Variants in ATP8A2 observed in about 807,000 individuals in gnomAD.
ATP8A2 encodes the protein ATPase phospholipid transporting 8A2.
In ATP8A2, 100 loss-of-function variants were observed where a neutral mutation model predicts 165.6. The observed-to-expected ratio is 0.60, with a 90% CI of 0.51 to 0.71. The LOEUF (loss-of-function observed/expected upper bound fraction) is 0.71. Ranked by LOEUF, ATP8A2 falls within the 30% of genes least tolerant of loss-of-function variation. The probability of loss-of-function intolerance (pLI) is 0.00; values close to 1 mark genes in which losing one functional copy is unlikely to be tolerated. For synonymous variants in ATP8A2, 543 were observed against 548.8 expected, an observed-to-expected ratio of 0.99 and a Z score of 0.15; for missense variants, 1,227 against 1,479.5, an observed-to-expected ratio of 0.83 and a Z score of 2.80.
intron 27 of ATP8A2, among the ~76,000 whole-genome samples, chr13:25,807,610 A>G (rs891974802): frequency 6.6e-6 from 1 of 152,236 alleles, no homozygotes; most frequent in Non-Finnish European, 1.5e-5. Flanking sequence ...TGAGTAATTC[A>G]TGGATCCATT....
chr13:25,519,510 A>G (rs906002594), intron 2 of ATP8A2, among the ~76,000 whole-genome samples: 2 of 151,994 alleles, frequency 1.3e-5, no homozygotes, highest in Non-Finnish European at 1.5e-5. Flanking sequence ...GGAAATATCT[A>G]TTGCACATGA....
At chr13:25,726,852 T>C (rs931033664) in intron 25 of ATP8A2, among the ~76,000 whole-genome samples, 11 of 152,178 alleles carry the variant, frequency 7.2e-5, no homozygotes, top group Non-Finnish European at 1.2e-4. Flanking sequence ...GAGTGCTAGA[T>C]TTTTGAGGGT....
At chr13:25,877,000 A>G (rs979861767) in intron 33 of ATP8A2, among the ~76,000 whole-genome samples, 1 of 152,124 alleles carries the variant, frequency 6.6e-6, no homozygotes, top group Non-Finnish European at 1.5e-5. Context: ...AATAATTAAC[A>G]AACTTGTCTA....
chr13:25,391,867 G>A (rs1432852420), intron 1 of ATP8A2, among the ~76,000 whole-genome samples: 5 of 152,160 alleles, frequency 3.3e-5, no homozygotes, highest in Non-Finnish European at 1.5e-5. Flanking sequence ...CAACAGTTAC[G>A]TTTTCCTCAT....
chr13:25,598,614 T>G (rs2040299712), intron 24 of ATP8A2, among the ~76,000 whole-genome samples: 1 of 152,176 alleles, frequency 6.6e-6, no homozygotes, highest in African/African-American at 2.4e-5. Flanking sequence ...ATTCTTCCAT[T>G]TCTCTTCATT....
At chr13:25,672,557 T>G (rs1240458847) in intron 24 of ATP8A2, among the ~76,000 whole-genome samples, 1 of 152,182 alleles carries the variant, frequency 6.6e-6, no homozygotes, top group Non-Finnish European at 1.5e-5. Context: ...CTTTGTTCTT[T>G]TTTTAAAAAA....
chr13:25,817,685 C>CT (rs201615789), intron 27 of ATP8A2, among the ~76,000 whole-genome samples: 3,847 of 150,244 alleles, frequency 0.026, 206 homozygotes, highest in Admixed American at 0.13. Flanking sequence ...TTTTCTTTTT[C>CT]TTTTTTTTTG....
At chr13:25,900,006 C>G (rs1953686497) in intron 33 of ATP8A2, among the ~76,000 whole-genome samples, 1 of 152,058 alleles carries the variant, frequency 6.6e-6, no homozygotes, top group African/African-American at 2.4e-5. Context: ...GGGACCTGCC[C>G]AGGGACTGGA....
chr13:25,794,516 T>C (rs934926181), intron 27 of ATP8A2, among the ~76,000 whole-genome samples: 1 of 152,096 alleles, frequency 6.6e-6, no homozygotes, highest in Admixed American at 6.6e-5. Context: ...ATCTGTGGTT[T>C]CCAGGGTCTT....
intron 24 of ATP8A2, among the ~76,000 whole-genome samples, chr13:25,659,614 C>T (rs575950771): frequency 6.6e-6 from 1 of 152,160 alleles, no homozygotes; most frequent in Non-Finnish European, 1.5e-5. Context: ...GTAGGCTTTT[C>T]CCAAAAGCGA....
chr13:25,698,078 G>C (rs533105031), intron 24 of ATP8A2, among the ~76,000 whole-genome samples: 1 of 152,038 alleles, frequency 6.6e-6, no homozygotes, highest in Non-Finnish European at 1.5e-5. Context: ...CTTAATAGTC[G>C]TCTTCCAGAC....
chr13:25,764,831 C>T (rs1264502429), intron 25 of ATP8A2, among the ~76,000 whole-genome samples: 1 of 152,186 alleles, frequency 6.6e-6, no homozygotes, highest in African/African-American at 2.4e-5. Flanking sequence ...TTCCTTGTAA[C>T]CCCTCTGGCT....
chr13:26,012,177 G>A (rs1350631577), intron 35 of ATP8A2, among the ~76,000 whole-genome samples: 1 of 152,196 alleles, frequency 6.6e-6, no homozygotes, highest in Non-Finnish European at 1.5e-5. Context: ...GTGCAGGCAG[G>A]GGGCTGCAGG....
chr13:25,514,925 C>T (rs1176585894), intron 2 of ATP8A2, among the ~76,000 whole-genome samples: 4 of 152,248 alleles, frequency 2.6e-5, no homozygotes, highest in Admixed American at 6.5e-5. Flanking sequence ...TGTGTCAACT[C>T]GACAGGGCTA....
At position 25,699,161 on chromosome 13, in the gene ATP8A2, C is replaced by T; in HGVS notation, c.2212-12C>T. On this transcript the variant is annotated splice_polypyrimidine_tract_variant and intron_variant, in intron 24 of 36. Transcript: ENST00000381655. ...ACAAAAAATGTGATTTTCCCCTATA[C>T]TCTTGTTTCAGGCCACAAGGGCAGC... 7 of 1,524,820 alleles carry T rather than the reference C, an allele frequency of 4.6e-6. No individual in the cohort carries two copies. Among genetic ancestry groups the T allele is most frequent in the Non-Finnish European group, 6.2e-6 (7 of 1,133,418 alleles). 94.5% of individuals were successfully genotyped at this position (1,524,820 alleles called of 1,614,324 possible). A position where few individuals can be genotyped will look rare whatever the true frequency, so the allele number is the denominator to read the frequency against.
intron 36 of ATP8A2, among the ~76,000 whole-genome samples, chr13:26,014,946 A>G (rs1566354363): frequency 1.3e-5 from 2 of 152,220 alleles, no homozygotes; most frequent in Non-Finnish European, 2.9e-5. Context: ...ACAGGTTCCC[A>G]GAACTCTACA....
In ATP8A2 at chr13:26,005,405, A is replaced by G. The variant is rs750986673; in HGVS notation, c.3378-7126A>G. ...AAAAAAACAACTTTTAGTTTCACTGATATTTTTCCATTGTTTTTGTAGTCT... is the reference window on the plus strand; with the variant it reads ...AAAAAAACAACTTTTAGTTTCACTGGTATTTTTCCATTGTTTTTGTAGTCT... On this transcript the variant is annotated intron_variant, in intron 35 of 36. Coordinates refer to ENST00000381655, the MANE Select transcript of ATP8A2 (RefSeq NM_016529.6). Among the ~76,000 whole-genome samples, 162 of 151,832 alleles carry G rather than the reference A, an allele frequency of 1.1e-3. 1 individual carries two copies. Among genetic ancestry groups the G allele is most frequent in the Admixed American group, 2.5e-3 (38 of 15,264 alleles).
intron 2 of ATP8A2, among the ~76,000 whole-genome samples, chr13:25,481,144 T>C (rs1593375836): frequency 1.8e-5 from 1 of 55,796 alleles, no homozygotes; most frequent in East Asian, 2.2e-4. Context: ...AGGGAGACCG[T>C]GGAAAGAGAG....
At chr13:25,973,235 TCTGGCGAGCCGTCGC>T (rs1422790143) in intron 35 of ATP8A2, among the ~76,000 whole-genome samples, 6 of 152,216 alleles carry the variant, frequency 3.9e-5, no homozygotes. Context: ...TCTTAAACCT[TCTGGCGAGCCGTCGC>T]CTCGTCTCCC....
Sources: allele counts gnomAD v4.1 joint callset (sites outside exome capture counted in the v4.1 genomes callset), GRCh38; gene constraint gnomAD v4.1.1; transcripts MANE v1.5; gene names NCBI Gene and HGNC (gene_info 2026-07-23, HGNC 2026-07-21).